PLA2G6: variants seen among roughly 807,000 people sequenced by gnomAD.
PLA2G6 encodes phospholipase A2 group VI.
A neutral mutation model predicts 83.8 loss-of-function variants in PLA2G6; 62 were observed. The ratio of observed to expected loss-of-function variants is 0.74; its 90% confidence interval spans 0.60 to 0.91. PLA2G6 has a LOEUF of 0.91. Among genes scored for constraint, PLA2G6 ranks in the 40% least tolerant of loss-of-function variants. The pLI is 0.00. For missense variants in PLA2G6, 944 were observed against 1,102.0 expected, an observed-to-expected ratio of 0.86 and a Z score of 2.03; for synonymous variants, 417 against 449.8, an observed-to-expected ratio of 0.93 and a Z score of 0.92.
intron 5 of PLA2G6, chr22:38,139,310 G>A (rs2088741210): frequency 6.6e-6 from 1 of 152,202 alleles, no homozygotes; most frequent in African/African-American, 2.4e-5. Flanking sequence ...ACCACCTGGA[G>A]GGGAGCTGGA....
intron 1 of PLA2G6, among the ~76,000 whole-genome samples, chr22:38,174,191 T>C (rs2090541114): frequency 6.6e-6 from 1 of 151,880 alleles, no homozygotes; most frequent in African/African-American, 2.4e-5. Context: ...AATCAGGAGA[T>C]TGAGACCATC....
chr22:38,133,149 C>T, intron 6 of PLA2G6, 136 bp from the exon 7 acceptor site: 1 of 825,598 alleles, frequency 1.2e-6, no homozygotes, highest in South Asian at 1.6e-5. Flanking sequence ...AAGAGGATTC[C>T]AGGGGCAGGC....
chr22:38,126,542 G>A lies in PLA2G6; in HGVS notation c.1349-93C>T, dbSNP rs11570707. The stretch of plus-strand genomic sequence containing the variant: ...CTAGATCAAACCTGGGCTGTGCCTC[G>A]CCCACGGCCACGCCCTCATCCCCCC... On this transcript the variant is annotated intron_variant, in intron 9 of 16. Coordinates refer to ENST00000332509, the MANE Select transcript of PLA2G6 (RefSeq NM_003560.4). 4,912 of 900,584 alleles carry A rather than the reference G, an allele frequency of 5.5e-3. 138 individuals are homozygous for A. The African/African-American group carries it at 0.066, about 12-fold the overall frequency. The allele number at this position is 900,584 out of a possible 1,614,324, so 55.8% of individuals were successfully genotyped here. A position where few individuals can be genotyped will look rare whatever the true frequency, so the allele number is the denominator to read the frequency against.
intron 5 of PLA2G6, chr22:38,136,348 G>A (rs909025832): frequency 6.6e-6 from 1 of 152,212 alleles, no homozygotes; most frequent in African/African-American, 2.4e-5. Flanking sequence ...CAGCACTTTG[G>A]GAGGCCAAGG....
chr22:38,166,704 G>A (rs2090228235), intron 2 of PLA2G6, among the ~76,000 whole-genome samples: 1 of 151,630 alleles, frequency 6.6e-6, no homozygotes, highest in Non-Finnish European at 1.5e-5. Context: ...ACTCCAGCCT[G>A]GGCAACAGAG....
chr22:38,169,556 C>T (rs1296221292), intron 1 of PLA2G6, 85 bp from the exon 2 acceptor site: 1 of 746,638 alleles, frequency 1.3e-6, no homozygotes, highest in Non-Finnish European at 2.3e-6. Flanking sequence ...GCACAGACAC[C>T]CAGATCACTC....
chr22:38,162,235 A>G (rs2090046519), intron 2 of PLA2G6, among the ~76,000 whole-genome samples: 2 of 151,916 alleles, frequency 1.3e-5, no homozygotes, highest in South Asian at 2.1e-4. Flanking sequence ...AAAAAAAAAA[A>G]AAAGAAAGTG....
intron 1 of PLA2G6, among the ~76,000 whole-genome samples, chr22:38,181,225 T>C (rs1181448635): frequency 1.3e-5 from 2 of 150,998 alleles, no homozygotes; most frequent in South Asian, 2.1e-4. Flanking sequence ...GGAGGGAGCA[T>C]GTCGGGGGCA....
At position 38,112,156 on chromosome 22, in the gene PLA2G6, G is replaced by A. The variant is rs1289679599; in HGVS notation, c.*5C>T. On this transcript the variant is annotated 3_prime_UTR_variant, in exon 17 of 17. Transcript: ENST00000332509. ...CAGCTGGGGCCGGTGAGAGGCTGGG[G>A]ACCCTCAGGGTGAGAGCAGCAGCTG... 4 of 1,576,652 alleles carry A rather than the reference G, an allele frequency of 2.5e-6. No homozygotes were observed. The Admixed American group carries it at 7.4e-5, about 29-fold the overall frequency.
intron 1 of PLA2G6, among the ~76,000 whole-genome samples, chr22:38,171,722 G>A (rs1315295009): frequency 6.6e-6 from 1 of 151,820 alleles, no homozygotes; most frequent in Non-Finnish European, 1.5e-5. Context: ...TTGGGAGACT[G>A]AGGCAGGAGA....
intron 12 of PLA2G6, among the ~76,000 whole-genome samples, chr22:38,120,553 G>A (rs959458080): frequency 1.2e-4 from 18 of 152,140 alleles, no homozygotes; most frequent in African/African-American, 4.1e-4. Flanking sequence ...ACCAGGCCAC[G>A]CCCCTCCTGC....
chr22:38,162,169 A>C (rs9610909), intron 2 of PLA2G6, among the ~76,000 whole-genome samples: 11,068 of 147,326 alleles, frequency 0.075, 971 homozygotes, highest in African/African-American at 0.21. Flanking sequence ...AGAGTGTGCC[A>C]CTGCACTCCA....
intron 2 of PLA2G6, among the ~76,000 whole-genome samples, chr22:38,154,640 A>G (rs1376683694): frequency 1.3e-5 from 2 of 152,258 alleles, no homozygotes; most frequent in Admixed American, 6.5e-5. Flanking sequence ...AGTCTTCCTA[A>G]GAAGAACAGA....
At chr22:38,164,212 T>C (rs146353070) in intron 2 of PLA2G6, among the ~76,000 whole-genome samples, 13 of 152,230 alleles carry the variant, frequency 8.5e-5, no homozygotes, top group African/African-American at 2.9e-4. Context: ...CCCCGCACCA[T>C]AGGTCAGGCA....
intron 5 of PLA2G6, chr22:38,135,416 A>G (rs571081523): frequency 2.8e-6 from 1 of 357,016 alleles, no homozygotes; most frequent in African/African-American, 2.1e-5. Flanking sequence ...GAGTGCTGAG[A>G]GGAGTGGCTG....
At position 38,123,090 on chromosome 22, in the gene PLA2G6, C is replaced by G. The variant is rs1064796469; in HGVS notation, c.1591+5G>C. On this transcript the variant is annotated splice_donor_5th_base_variant and intron_variant, in intron 11 of 16. Transcript: ENST00000332509. This position sits in a 1 kb window ranked among gnomAD's most constrained non-coding sequence, Gnocchi z 4.1. The stretch of plus-strand genomic sequence containing the variant: ...CCTGGCCCCATCCCCAGGGGCCGCC[C>G]TCACTGTGCAGAATGGCCAGGGCCA... The G allele has an allele frequency of 1.3e-6, 2 of 1,548,472 alleles. No individual in the cohort carries two copies. The highest frequency in any genetic ancestry group is 2.4e-5 in the South Asian group (2 of 83,984).
chr22:38,169,511 T>C, intron 1 of PLA2G6, 40 bp from the exon 2 acceptor site: 1 of 1,159,634 alleles, frequency 8.6e-7, no homozygotes, highest in East Asian at 2.5e-5. Flanking sequence ...AGGCACAGTC[T>C]CCCATGCCCA....
intron 2 of PLA2G6, chr22:38,148,859 CTTTTTTTTTTTTTTT>C (rs200966258): frequency 0.45 from 69,371 of 154,536 alleles, 14,849 homozygotes; most frequent in Middle Eastern, 0.61. Context: ...TAGATTATTT[CTTTTTTTTTTTTTTT>C]TTTTTTTTTT....
intron 11 of PLA2G6, among the ~76,000 whole-genome samples, chr22:38,122,412 T>A (rs569359968): frequency 6.6e-6 from 1 of 151,930 alleles, no homozygotes; most frequent in African/African-American, 2.4e-5. Flanking sequence ...ACCTAGAAGC[T>A]CAGACAGCTC....
Sources: allele counts gnomAD v4.1 joint callset (sites outside exome capture counted in the v4.1 genomes callset), GRCh38; gene constraint gnomAD v4.1.1; non-coding constraint Gnocchi (gnomAD v3.1); transcripts MANE v1.5; gene names NCBI Gene and HGNC (gene_info 2026-07-23, HGNC 2026-07-21).